Variants in MYRIP observed in about 807,000 individuals in gnomAD.
The protein encoded by MYRIP is rab effector MyRIP.
A neutral mutation model predicts 98.0 loss-of-function variants in MYRIP; 49 were observed. That is an observed-to-expected ratio of 0.50 (90% CI 0.40 to 0.63). MYRIP has a LOEUF of 0.63. Ranked by LOEUF, MYRIP falls within the 30% of genes least tolerant of loss-of-function variation. MYRIP has a pLI of 0.00. For missense variants in MYRIP, 1,004 were observed against 1,058.2 expected, an observed-to-expected ratio of 0.95 and a Z score of 0.71; for synonymous variants, 404 against 409.5, an observed-to-expected ratio of 0.99 and a Z score of 0.16.
intron 3 of MYRIP, among the ~76,000 whole-genome samples, chr3:40,135,967 T>C (rs1407052069): frequency 6.6e-6 from 1 of 152,208 alleles, no homozygotes; most frequent in Non-Finnish European, 1.5e-5. Context: ...AGGAAGAAAC[T>C]GCATGAACTA....
At chr3:40,212,798 T>A (rs758516179) in intron 11 of MYRIP, among the ~76,000 whole-genome samples, 1 of 151,896 alleles carries the variant, frequency 6.6e-6, no homozygotes, top group Non-Finnish European at 1.5e-5. Flanking sequence ...TGGTGGTTAA[T>A]GTCTGTGGTC....
At chr3:40,196,604 T>C (rs538201633) in intron 10 of MYRIP, among the ~76,000 whole-genome samples, 1 of 152,364 alleles carries the variant, frequency 6.6e-6, no homozygotes, top group East Asian at 1.9e-4. Context: ...TTGTTGAGAC[T>C]GCCTTTATGA....
intron 1 of MYRIP, among the ~76,000 whole-genome samples, chr3:39,814,270 G>A (rs1940801492): frequency 6.6e-6 from 1 of 152,090 alleles, no homozygotes; most frequent in African/African-American, 2.4e-5. Context: ...GGCTGTGACT[G>A]GTATTAATCA....
Position 39,945,146 on chromosome 3 carries a change from C to T in MYRIP, c.110+44220C>T, listed in dbSNP as rs141919691. The stretch of plus-strand genomic sequence containing the variant: ...TTCACAGATAGTCAGGTGTGCCCAG[C>T]GGGTTTTATGTTTTATTTGGTTACC... On this transcript the variant is annotated intron_variant, in intron 2 of 16. Transcript: ENST00000302541. Among the ~76,000 whole-genome samples, 12 of 151,680 alleles carry T rather than the reference C, an allele frequency of 7.9e-5. No homozygotes were observed. The East Asian group carries it at 2.3e-3, about 30-fold the overall frequency.
chr3:39,825,394 A>T (rs1941231781), intron 1 of MYRIP, among the ~76,000 whole-genome samples: 1 of 152,136 alleles, frequency 6.6e-6, no homozygotes, highest in Admixed American at 6.5e-5. Context: ...GAGAGTTTTT[A>T]TCATGAAGGG....
At chr3:40,090,694 G>A (rs1340888326) in intron 3 of MYRIP, among the ~76,000 whole-genome samples, 1 of 152,182 alleles carries the variant, frequency 6.6e-6, no homozygotes, top group Non-Finnish European at 1.5e-5. Context: ...GGCTATTTCA[G>A]AATATCTTTC....
At chr3:39,890,410 C>T (rs977434614) in intron 1 of MYRIP, among the ~76,000 whole-genome samples, 5 of 151,972 alleles carry the variant, frequency 3.3e-5, no homozygotes, top group Non-Finnish European at 5.9e-5. Context: ...TTAAGTTTTT[C>T]ATTTTTTAAA....
In MYRIP at chr3:40,129,440, C is replaced by CAAAAAAAAAAAAAAAAA. The variant is rs386396419; in HGVS notation, c.333-21588_333-21572dup. On this transcript the variant is annotated intron_variant, in intron 3 of 16. Transcript: ENST00000302541. The stretch of plus-strand genomic sequence containing the variant: ...TGGGCGACAGAGTGAGACTCTGTCT[C>CAAAAAAAAAAAAAAAAA]AAAAAAAAAAAAAAAAAAAAAAAAA... 3.7e-4 allele frequency among the ~76,000 whole-genome samples: 11 copies of CAAAAAAAAAAAAAAAAA among 29,372 alleles called. 1 individual carries two copies. The highest frequency in any genetic ancestry group is 5.4e-4 in the Non-Finnish European group (9 of 16,748). The allele number at this position is 29,372 out of a possible 152,430, so 19.3% of individuals were successfully genotyped here.
chr3:39,875,496 C>T (rs968509493), intron 1 of MYRIP, among the ~76,000 whole-genome samples: 1 of 151,894 alleles, frequency 6.6e-6, no homozygotes, highest in African/African-American at 2.4e-5. Flanking sequence ...AAATTTCCCT[C>T]TACATCCTGC....
At chr3:40,195,818 G>A (rs774817078) in intron 10 of MYRIP, among the ~76,000 whole-genome samples, 2 of 151,842 alleles carry the variant, frequency 1.3e-5, no homozygotes, top group Admixed American at 6.6e-5. Flanking sequence ...ATTATTTTTA[G>A]AACACTTTAT....
intron 2 of MYRIP, among the ~76,000 whole-genome samples, chr3:39,908,922 T>C (rs544357973): frequency 6.6e-6 from 1 of 152,332 alleles, no homozygotes; most frequent in Non-Finnish European, 1.5e-5. Context: ...CTCATGGCCT[T>C]TTGTAGCTCT....
At chr3:40,190,580 T>C in intron 10 of MYRIP, 117 bp downstream of exon 10, 1 of 1,452,400 alleles carries the variant, frequency 6.9e-7, no homozygotes, top group Non-Finnish European at 9.1e-7. Context: ...GATTCTCATC[T>C]TGGTTTTGCA....
At chr3:40,253,913 T>A (rs1027526359) in intron 16 of MYRIP, among the ~76,000 whole-genome samples, 1 of 152,132 alleles carries the variant, frequency 6.6e-6, no homozygotes, top group Non-Finnish European at 1.5e-5. Flanking sequence ...AATATGTAAA[T>A]GGAAGATTAA....
intron 1 of MYRIP, among the ~76,000 whole-genome samples, chr3:39,821,558 C>T (rs1941103411): frequency 6.6e-6 from 1 of 151,930 alleles, no homozygotes; most frequent in Non-Finnish European, 1.5e-5. Flanking sequence ...CATTAACTTA[C>T]AGCTTAGCTT....
chr3:40,147,621 C>A (rs1950036774), intron 3 of MYRIP, among the ~76,000 whole-genome samples: 1 of 152,164 alleles, frequency 6.6e-6, no homozygotes, highest in South Asian at 2.1e-4. Context: ...CATCTTTCTT[C>A]TTCTACTCAG....
intron 13 of MYRIP, chr3:40,248,595 C>T (rs1953275835): frequency 6.6e-6 from 1 of 152,120 alleles, no homozygotes; most frequent in African/African-American, 2.4e-5. Flanking sequence ...TTTCTTATTC[C>T]AGAACCTGAT....
intron 3 of MYRIP, among the ~76,000 whole-genome samples, chr3:40,056,338 T>C (rs1366973894): frequency 6.6e-6 from 1 of 152,192 alleles, no homozygotes; most frequent in Non-Finnish European, 1.5e-5. Context: ...ACTTATCAGG[T>C]TGGTTTTCAG....
chr3:39,849,026 C>G (rs986107063), intron 1 of MYRIP, among the ~76,000 whole-genome samples: 1 of 152,180 alleles, frequency 6.6e-6, no homozygotes, highest in Non-Finnish European at 1.5e-5. Flanking sequence ...TCTTCCAGTT[C>G]TGTGAGTCTC....
intron 3 of MYRIP, among the ~76,000 whole-genome samples, chr3:40,114,325 C>T (rs956689331): frequency 2.6e-5 from 4 of 152,172 alleles, no homozygotes; most frequent in African/African-American, 9.7e-5. Context: ...ATAGGCCATA[C>T]CATGTAGCCT....
Sources: gnomAD v4.1 joint callset for allele counts (sites outside exome capture counted in the v4.1 genomes callset) on GRCh38, gnomAD v4.1.1 for gene constraint, MANE v1.5 for transcripts, NCBI Gene and HGNC (gene_info 2026-07-23, HGNC 2026-07-21) for gene names.